Variants in C2CD2 observed in about 807,000 individuals in gnomAD.
C2CD2 encodes C2 calcium dependent domain containing 2, also known as C2 domain-containing protein 2.
In C2CD2, 43 loss-of-function variants were observed where a neutral mutation model predicts 74.3. The observed-to-expected ratio is 0.58, with a 90% CI of 0.45 to 0.75. The LOEUF is 0.75. C2CD2 is among the 30% of genes least tolerant of loss of function. The pLI is 0.00. For synonymous variants in C2CD2, 422 were observed against 390.7 expected, an observed-to-expected ratio of 1.08 and a Z score of -0.94; for missense variants, 801 against 916.3, an observed-to-expected ratio of 0.87 and a Z score of 1.63.
intron 11 of C2CD2, 46 bp downstream of exon 11, chr21:41,905,678 C>A: frequency 9.9e-7 from 1 of 1,010,954 alleles, no homozygotes; most frequent in Non-Finnish European, 1.5e-6. Flanking sequence ...GCCCAAAAGG[C>A]CCAAAGGTGC....
Position 41,899,345 on chromosome 21 carries a change from G to A in C2CD2, c.1578C>T (p.Asp526=). The A allele has an allele frequency of 1.9e-6, 3 of 1,606,608 alleles. No homozygotes were observed. The highest frequency in any genetic ancestry group is 1.1e-5 in the South Asian group (1 of 91,042). ...AGCCCTGCATCAGGGCAGCGTCGTG[G>A]TCCTGAGATAGTGAGGTCTGTCAGG... ...SGISKTSLSQ[D]HDAALMQGYT... is the part of the protein sequence containing the mutation. The change falls in exon 13 of 14, where the codon GAC becomes GAT. Residue 526 remains aspartate (D), a synonymous_variant. Transcript: ENST00000380486. The surrounding 1 kb of genome is among the most constrained non-coding windows in gnomAD (Gnocchi z 4.4).
Position 41,889,069 on chromosome 21 carries a change from G to A in C2CD2, c.*55C>T. 2 of 1,325,108 alleles carry A rather than the reference G, an allele frequency of 1.5e-6. No individual in the cohort carries two copies. Among genetic ancestry groups the A allele is most frequent in the Non-Finnish European group, 2.2e-6 (2 of 921,746 alleles). 82.1% of individuals were successfully genotyped at this position (1,325,108 alleles called of 1,614,324 possible). ...GCGGACACACTGGCTGCGTCCTGGT[G>A]AGGGTAGTTAACATGGGTGCACGTC... is the stretch of plus-strand genomic sequence containing the variant. On this transcript the variant is annotated 3_prime_UTR_variant, in exon 14 of 14. Transcript: ENST00000380486.
At position 41,945,203 on chromosome 21, in the gene C2CD2, C is replaced by T. The variant is rs905135664; in HGVS notation, c.280-2958G>A. Among the ~76,000 whole-genome samples the T allele has an allele frequency of 9.2e-5, 14 of 152,240 alleles. No homozygotes were observed. The East Asian group carries it at 9.6e-4, about 10-fold the overall frequency. ...GAAAAAACTAAAATGAACTCTGTAC[C>T]GTTGGACTAGAACCCAAGGTACAGG... On this transcript the variant is annotated intron_variant, in intron 1 of 13. Coordinates refer to ENST00000380486, the MANE Select transcript of C2CD2 (RefSeq NM_015500.2). This position sits in a 1 kb window ranked among gnomAD's most constrained non-coding sequence, Gnocchi z 4.2.
chr21:41,907,420 G>C (rs2064975975), intron 9 of C2CD2, among the ~76,000 whole-genome samples: 1 of 152,158 alleles, frequency 6.6e-6, no homozygotes, highest in African/African-American at 2.4e-5. Flanking sequence ...GCCTTTTTGG[G>C]GTAGGTCCAT....
At position 41,889,229 on chromosome 21, in the gene C2CD2, G is replaced by A; in HGVS notation, c.1986C>T (p.Ser662=). ...TGGTGAGGGTGATGCCTTTCCTCCG[G>A]GAACCCTCTGGCTGCTCCAGGAACA... ...DLVFLEQPEG[S]RRKGITLTRI... Residue 662 remains serine, a synonymous_variant, in exon 14 of 14, where the codon TCC becomes TCT. Transcript: ENST00000380486. 6.2e-7 allele frequency: 1 copy of A among 1,613,886 alleles called. No individual in the cohort carries two copies.
intron 2 of C2CD2, among the ~76,000 whole-genome samples, chr21:41,941,191 C>CA (rs1026863740): frequency 1.2e-4 from 18 of 151,066 alleles, no homozygotes; most frequent in Middle Eastern, 3.4e-3. Context: ...CCCATCTCTG[C>CA]AAAAAAAAGA....
intron 2 of C2CD2, among the ~76,000 whole-genome samples, chr21:41,933,647 T>C (rs757276492): frequency 1.3e-5 from 2 of 152,260 alleles, no homozygotes; most frequent in Non-Finnish European, 2.9e-5. Flanking sequence ...GAGGGTGTTC[T>C]ACTCCCAACT....
At chr21:41,901,853 A>T (rs1198946686) in intron 11 of C2CD2, 104 bp from the exon 12 acceptor site, 2 of 1,066,202 alleles carry the variant, frequency 1.9e-6, no homozygotes, top group Admixed American at 3.9e-5. Context: ...GTTAGCAGAT[A>T]TTTTCTAAAA....
chr21:41,943,620 C>T (rs2065373834), intron 1 of C2CD2, among the ~76,000 whole-genome samples: 1 of 152,170 alleles, frequency 6.6e-6, no homozygotes. Flanking sequence ...AGCTACAAGG[C>T]GTGACCGAGG....
chr21:41,893,882 G>T (rs1448503597), intron 13 of C2CD2, among the ~76,000 whole-genome samples: 1 of 151,922 alleles, frequency 6.6e-6, no homozygotes, highest in Non-Finnish European at 1.5e-5. Context: ...TGTATTTTTA[G>T]TAGAGACAGG....
At position 41,937,631 on chromosome 21, in the gene C2CD2, C is replaced by A. The variant is rs571198642; in HGVS notation, c.378+4516G>T. Among the ~76,000 whole-genome samples, 222 of 152,106 alleles carry A rather than the reference C, an allele frequency of 1.5e-3. 1 individual carries two copies. The highest frequency in any genetic ancestry group is 5.1e-3 in the African/African-American group (210 of 41,476). ...TGCTGTTCAAGGGTCCATTATAGAT[C>A]CAAAGGAAATAAAATCAGTATGTTG... is the stretch of plus-strand genomic sequence containing the variant. On this transcript the variant is annotated intron_variant, in intron 2 of 13. Coordinates refer to ENST00000380486, the MANE Select transcript of C2CD2 (RefSeq NM_015500.2).
At chr21:41,927,765 G>A (rs558687827) in intron 2 of C2CD2, among the ~76,000 whole-genome samples, 5 of 152,076 alleles carry the variant, frequency 3.3e-5, no homozygotes, top group East Asian at 1.9e-4. Flanking sequence ...CACTGTGCCC[G>A]GCCAAAGATG....
chr21:41,895,555 T>C lies in C2CD2; in HGVS notation c.1870+3498A>G, dbSNP rs1054061164. 2.0e-5 allele frequency among the ~76,000 whole-genome samples: 3 copies of C among 152,192 alleles called. No homozygotes were observed. The highest frequency in any genetic ancestry group is 4.8e-5 in the African/African-American group (2 of 41,444). On this transcript the variant is annotated intron_variant, in intron 13 of 13. Coordinates refer to ENST00000380486, the MANE Select transcript of C2CD2 (RefSeq NM_015500.2). This position sits in a 1 kb window ranked among gnomAD's most constrained non-coding sequence, Gnocchi z 5.0. ...CTGAAGATAATTTGGGGAGTGGTTA[T>C]GTGAAATTGGAGGCAAGTAACCAAG...
chr21:41,917,229 A>C lies in C2CD2; in HGVS notation c.720+876T>G, dbSNP rs148089949. On this transcript the variant is annotated intron_variant, in intron 5 of 13. Coordinates refer to ENST00000380486, the MANE Select transcript of C2CD2 (RefSeq NM_015500.2). ...CAACTGATATCTGTCCAGTGAAACAAAGTCTTCAGACTCTACCTACTGACA... is the reference window on the plus strand; with the variant it reads ...CAACTGATATCTGTCCAGTGAAACACAGTCTTCAGACTCTACCTACTGACA... 2.0e-3 allele frequency among the ~76,000 whole-genome samples: 302 copies of C among 152,314 alleles called. 1 individual carries two copies. Among genetic ancestry groups the C allele is most frequent in the Non-Finnish European group, 3.0e-3 (205 of 68,016 alleles).
chr21:41,913,653 A>G (rs1252609548), intron 6 of C2CD2, among the ~76,000 whole-genome samples: 1 of 152,206 alleles, frequency 6.6e-6, no homozygotes, highest in African/African-American at 2.4e-5. Context: ...GATGTGGCCC[A>G]TTTGTGCTTT....
In C2CD2 at chr21:41,929,815, G is replaced by A. The variant is rs1407135428; in HGVS notation, c.379-7730C>T. ...CGTTGAAAGCCACAGTTACCATACT[G>A]TAACCAGAATTCAGGCAGTGGCTGC... On this transcript the variant is annotated intron_variant, in intron 2 of 13. Coordinates refer to ENST00000380486, the MANE Select transcript of C2CD2 (RefSeq NM_015500.2). This position sits in a 1 kb window ranked among gnomAD's most constrained non-coding sequence, Gnocchi z 4.6. Among the ~76,000 whole-genome samples, 1 of 152,228 alleles carries A rather than the reference G, an allele frequency of 6.6e-6. No individual in the cohort carries two copies. The highest frequency in any genetic ancestry group is 1.9e-4 in the East Asian group (1 of 5,186).
At chr21:41,919,475 C>A (rs1423012088) in intron 3 of C2CD2, among the ~76,000 whole-genome samples, 1 of 152,182 alleles carries the variant, frequency 6.6e-6, no homozygotes, top group Admixed American at 6.5e-5. Context: ...CATTGGTGGT[C>A]GACAACCAGA....
intron 5 of C2CD2, among the ~76,000 whole-genome samples, chr21:41,915,424 C>CTCACTGCCAAGAG (rs2146187407): frequency 6.6e-6 from 1 of 152,204 alleles, no homozygotes; most frequent in East Asian, 1.9e-4. Context: ...CCACCTGTCA[C>CTCACTGCCAAGAG]TCACTGCCAA....
At chr21:41,906,895 G>A (rs1043676329) in intron 10 of C2CD2, 97 bp downstream of exon 10, 21 of 871,578 alleles carry the variant, frequency 2.4e-5, no homozygotes, top group Admixed American at 9.1e-5. Context: ...CCTAACACTC[G>A]GCGCTGCAGG....
Sources: gnomAD v4.1 joint callset for allele counts (sites outside exome capture counted in the v4.1 genomes callset) on GRCh38, gnomAD v4.1.1 for gene constraint, Gnocchi (gnomAD v3.1) non-coding constraint, MANE v1.5 for transcripts, NCBI Gene and HGNC (gene_info 2026-07-23, HGNC 2026-07-21) for gene names.